Variants in TPMT observed in about 807,000 individuals in gnomAD.
TPMT encodes S-adenosyl-L-methionine:thiopurine S-methyltransferase.
A neutral mutation model predicts 34.2 loss-of-function variants in TPMT; 18 were observed. The observed-to-expected ratio is 0.53, with a 90% CI of 0.36 to 0.78. TPMT has a LOEUF of 0.78. Among genes scored for constraint, TPMT ranks in the 30% least tolerant of loss-of-function variants. TPMT has a pLI of 0.00. For missense variants in TPMT, 265 were observed against 288.1 expected, an observed-to-expected ratio of 0.92 and a Z score of 0.58; for synonymous variants, 69 against 92.4, an observed-to-expected ratio of 0.75 and a Z score of 1.45.
Position 18,149,204 on chromosome 6 carries a change from A to G in TPMT, c.-44-33T>C. The G allele has an allele frequency of 1.3e-6, 2 of 1,576,586 alleles. No homozygotes were observed. The highest frequency in any genetic ancestry group is 1.7e-5 in the Admixed American group (1 of 59,942). ...GAAAATATTTGCAATGTTGTCATTTAAGGTCATTGGAATTCTATTGATGAA... is the reference window on the plus strand; with the variant it reads ...GAAAATATTTGCAATGTTGTCATTTGAGGTCATTGGAATTCTATTGATGAA... On this transcript the variant is annotated intron_variant, in intron 1 of 8. Transcript: ENST00000309983. This position sits in a 1 kb window ranked among gnomAD's most constrained non-coding sequence, Gnocchi z 5.0.
In TPMT at chr6:18,154,555, A is replaced by C. The variant is rs1484465885; in HGVS notation, c.-45+478T>G. Among the ~76,000 whole-genome samples the C allele has an allele frequency of 6.6e-6, 1 of 152,186 alleles. No individual in the cohort carries two copies. The highest frequency in any genetic ancestry group is 6.5e-5 in the Admixed American group (1 of 15,290). ...TATTTGGCAGTACTTATTTTTTCCC[A>C]AAAATCACTAATACACCAGGCTGGG... On this transcript the variant is annotated intron_variant, in intron 1 of 8. Transcript: ENST00000309983. This position sits in a 1 kb window ranked among gnomAD's most constrained non-coding sequence, Gnocchi z 4.2.
rs1784296424 is a variant in TPMT at position 18,148,836 on chromosome 6, C to A, written c.140+152G>T. The A allele has an allele frequency of 2.8e-6, 3 of 1,059,788 alleles. No homozygotes were observed. In the South Asian group the frequency reaches 4.2e-5, roughly 15 times the overall value. 65.6% of individuals were successfully genotyped at this position (1,059,788 alleles called of 1,614,324 possible). On this transcript the variant is annotated intron_variant, in intron 2 of 8. Transcript: ENST00000309983. This position sits in a 1 kb window ranked among gnomAD's most constrained non-coding sequence, Gnocchi z 4.1. The stretch of plus-strand genomic sequence containing the variant: ...ACTCTGCCAATTAAACTACATCATG[C>A]CACAGATGCACTGTGACTCGGGAGA...
intron 1 of TPMT, among the ~76,000 whole-genome samples, chr6:18,152,102 C>A (rs1784364748): frequency 6.6e-6 from 1 of 152,150 alleles, no homozygotes; most frequent in Non-Finnish European, 1.5e-5. Flanking sequence ...TCTGAACCAG[C>A]ATTTCAAGCA....
rs1783929315 is a variant in TPMT at position 18,130,928 on chromosome 6, C to T, written c.626-148G>A. On this transcript the variant is annotated intron_variant, in intron 8 of 8. Transcript: ENST00000309983. The surrounding 1 kb of genome is among the most constrained non-coding windows in gnomAD (Gnocchi z 4.2). The stretch of plus-strand genomic sequence containing the variant: ...CCGAGGCAGGTGGATCACTTGAGGT[C>T]AGGAGTTCATGACCAGCCTGGCCAA... The T allele has an allele frequency of 9.6e-6, 6 of 622,248 alleles. No individual in the cohort carries two copies. The highest frequency in any genetic ancestry group is 1.8e-5 in the Non-Finnish European group (6 of 337,620). 38.5% of individuals were successfully genotyped at this position (622,248 alleles called of 1,614,324 possible). A position where few individuals can be genotyped will look rare whatever the true frequency, so the allele number is the denominator to read the frequency against.
rs977305863 is a variant in TPMT, at chr6:18,148,915, T to C, written c.140+73A>G. 6.3e-7 allele frequency: 1 copy of C among 1,595,896 alleles called. No individual in the cohort carries two copies. The highest frequency in any genetic ancestry group is 8.6e-7 in the Non-Finnish European group (1 of 1,165,802). ...TCCTAAAAGTTAGTCAAATAATGTG[T>C]ACTTTTATTATTTCTATCTCAAAGT... On this transcript the variant is annotated intron_variant, in intron 2 of 8. Transcript: ENST00000309983. This position sits in a 1 kb window ranked among gnomAD's most constrained non-coding sequence, Gnocchi z 4.1.
rs760482196 is a variant in TPMT at position 18,139,999 on chromosome 6, T to A, written c.367-282A>T. 1.1e-4 allele frequency among the ~76,000 whole-genome samples: 17 copies of A among 152,164 alleles called. No homozygotes were observed. Among genetic ancestry groups the A allele is most frequent in the Non-Finnish European group, 2.2e-4 (15 of 68,018 alleles). Reference sequence around the variant, plus strand: ...AGAGCTTGCTATAAAATTCTAACAATGTTTCCTCGAGCAGAGTGATATTTT... The same window carrying A: ...AGAGCTTGCTATAAAATTCTAACAAAGTTTCCTCGAGCAGAGTGATATTTT... On this transcript the variant is annotated intron_variant, in intron 4 of 8. Transcript: ENST00000309983. The surrounding 1 kb of genome is among the most constrained non-coding windows in gnomAD (Gnocchi z 4.2).
In TPMT at chr6:18,146,420, G is replaced by A. The variant is rs370811049; in HGVS notation, c.233+1403C>T. Among the ~76,000 whole-genome samples, 28 of 151,996 alleles carry A rather than the reference G, an allele frequency of 1.8e-4. No homozygotes were observed. The highest frequency in any genetic ancestry group is 5.1e-4 in the African/African-American group (21 of 41,390). ...TCACCATGTTGGCCAGGCTGGTCTC[G>A]AACTCCTGACCTCAAGTGATCCGCT... is the stretch of plus-strand genomic sequence containing the variant. On this transcript the variant is annotated intron_variant, in intron 3 of 8. Transcript: ENST00000309983. The surrounding 1 kb of genome is among the most constrained non-coding windows in gnomAD (Gnocchi z 6.2).
chr6:18,133,080 G>A (rs1283796368), intron 7 of TPMT, among the ~76,000 whole-genome samples: 1 of 152,156 alleles, frequency 6.6e-6, no homozygotes, highest in Admixed American at 6.5e-5. Context: ...GCCACAGAGT[G>A]AGACTGTGTC....
Position 18,149,142 on chromosome 6 carries a change from C to G in TPMT, c.-15G>C. On this transcript the variant is annotated 5_prime_UTR_variant, in exon 2 of 9. Transcript: ENST00000309983. The surrounding 1 kb of genome is among the most constrained non-coding windows in gnomAD (Gnocchi z 5.0). ...GTACCATCCATAGTTTCAGAGACAC[C>G]TTTGTCTCACAAGCATATGTCTTCC... is the stretch of plus-strand genomic sequence containing the variant. 6.2e-7 allele frequency: 1 copy of G among 1,613,938 alleles called. No individual in the cohort carries two copies. Among genetic ancestry groups the G allele is most frequent in the Non-Finnish European group, 8.5e-7 (1 of 1,180,004 alleles).
Position 18,138,262 on chromosome 6 carries a change from TTG to T in TPMT, c.494+699_494+700del, listed in dbSNP as rs1483053605. ...AACCACATGAAATATTTTGATTTTT[TTG>T]TTTTTTTTTTTTTTTAAATATTTTA... is the stretch of plus-strand genomic sequence containing the variant. On this transcript the variant is annotated intron_variant, in intron 6 of 8. Transcript: ENST00000309983. The surrounding 1 kb of genome is among the most constrained non-coding windows in gnomAD (Gnocchi z 4.1). 4.1e-3 allele frequency among the ~76,000 whole-genome samples: 322 copies of T among 78,852 alleles called. 1 individual carries two copies. The highest frequency in any genetic ancestry group is 0.015 in the African/African-American group (288 of 18,836). The allele number at this position is 78,852 out of a possible 152,430, so 51.7% of individuals were successfully genotyped here.
rs1178597961 is a variant in TPMT at position 18,148,694 on chromosome 6, G to A, written c.140+294C>T. On this transcript the variant is annotated intron_variant, in intron 2 of 8. Transcript: ENST00000309983. The surrounding 1 kb of genome is among the most constrained non-coding windows in gnomAD (Gnocchi z 4.1). Reference sequence around the variant, plus strand: ...AACATTGCTTGAGCACCTGTTGTAGGTATAAATATTCAGGGCCAATACATA... The same window carrying A: ...AACATTGCTTGAGCACCTGTTGTAGATATAAATATTCAGGGCCAATACATA... 6.6e-6 allele frequency among the ~76,000 whole-genome samples: 1 copy of A among 152,144 alleles called. No individual in the cohort carries two copies. Among genetic ancestry groups the A allele is most frequent in the Non-Finnish European group, 1.5e-5 (1 of 68,036 alleles).
Position 18,147,823 on chromosome 6 carries a change from C to T in TPMT, c.233G>A (p.Trp78Ter), listed in dbSNP as rs1393608525. 6.2e-7 allele frequency: 1 copy of T among 1,613,184 alleles called. No individual in the cohort carries two copies. Among genetic ancestry groups the T allele is most frequent in the Non-Finnish European group, 8.5e-7 (1 of 1,179,440 alleles). Residue 78 changes from tryptophan to a stop codon, truncating the protein, a stop_gained and splice_region_variant, in exon 3 of 9, where the codon TGG becomes TAG. Coordinates refer to ENST00000309983, the MANE Select transcript of TPMT (RefSeq NM_000367.5). LOFTEE classifies it high-confidence loss of function. ...PLCGKAVEMKWFADRGHSVVG... is the reference protein window; with the variant it reads ...PLCGKAVEMK ...TCTGTTAATGTTTATCTGCTCATAC[C>T]ATTTCATCTCAACCGCTTTTCCGCA...
Position 18,130,604 on chromosome 6 carries a change from C to T in TPMT, c.*64G>A. The T allele has an allele frequency of 9.2e-7, 1 of 1,091,044 alleles. No homozygotes were observed. The highest frequency in any genetic ancestry group is 1.4e-6 in the Non-Finnish European group (1 of 711,202). 67.6% of individuals were successfully genotyped at this position (1,091,044 alleles called of 1,614,324 possible). On this transcript the variant is annotated 3_prime_UTR_variant, in exon 9 of 9. Coordinates refer to ENST00000309983, the MANE Select transcript of TPMT (RefSeq NM_000367.5). This position sits in a 1 kb window ranked among gnomAD's most constrained non-coding sequence, Gnocchi z 4.2. Reference sequence around the variant, plus strand: ...AAAATTCATCCATTACATTTTCAGGCTTTAGCATAATTTTCAATTCCTCAA... The same window carrying T: ...AAAATTCATCCATTACATTTTCAGGTTTTAGCATAATTTTCAATTCCTCAA...
chr6:18,129,451 G>GT lies in TPMT; in HGVS notation c.*1216dup, dbSNP rs1561884901. On this transcript the variant is annotated 3_prime_UTR_variant, in exon 9 of 9. Transcript: ENST00000309983. ...TAAGCCAGCACATGTGCGTGCATGC[G>GT]TGCACACACACACGTAACTCGTTTT... The GT allele has an allele frequency of 6.6e-6, 1 of 152,134 alleles. No individual in the cohort carries two copies. The highest frequency in any genetic ancestry group is 1.9e-4 in the East Asian group (1 of 5,190). The allele number at this position is 152,134 out of a possible 1,614,324, so 9.4% of individuals were successfully genotyped here. A position where few individuals can be genotyped will look rare whatever the true frequency, so the allele number is the denominator to read the frequency against.
chr6:18,141,906 A>C (rs1784149212), intron 4 of TPMT, among the ~76,000 whole-genome samples: 1 of 152,194 alleles, frequency 6.6e-6, no homozygotes, highest in South Asian at 2.1e-4. Flanking sequence ...TCATGTTCAA[A>C]ATGGTGGCTC....
chr6:18,128,418 A>G lies in TPMT; in HGVS notation c.*2250T>C, dbSNP rs1216772492. 1.3e-5 allele frequency: 2 copies of G among 152,234 alleles called. No individual in the cohort carries two copies. Among genetic ancestry groups the G allele is most frequent in the African/African-American group, 4.8e-5 (2 of 41,464 alleles). The allele number at this position is 152,234 out of a possible 1,614,324, so 9.4% of individuals were successfully genotyped here. A position where few individuals can be genotyped will look rare whatever the true frequency, so the allele number is the denominator to read the frequency against. ...TCAGTATTCCCCAGTGAAGACACAT[A>G]TTACATAAATGATCAACTACCTAAG... On this transcript the variant is annotated 3_prime_UTR_variant, in exon 9 of 9. Coordinates refer to ENST00000309983, the MANE Select transcript of TPMT (RefSeq NM_000367.5). This position sits in a 1 kb window ranked among gnomAD's most constrained non-coding sequence, Gnocchi z 4.6.
At chr6:18,152,671 CT>C (rs1410273031) in intron 1 of TPMT, among the ~76,000 whole-genome samples, 5 of 151,624 alleles carry the variant, frequency 3.3e-5, no homozygotes, top group Admixed American at 6.6e-5. Flanking sequence ...TCACTACACA[CT>C]TTCTTGGCTA....
At position 18,143,865 on chromosome 6, in the gene TPMT, G is replaced by A. The variant is rs1159361029; in HGVS notation, c.234-137C>T. 5.3e-6 allele frequency: 6 copies of A among 1,133,658 alleles called. No homozygotes were observed. The highest frequency in any genetic ancestry group is 6.3e-6 in the Non-Finnish European group (5 of 795,080). 70.2% of individuals were successfully genotyped at this position (1,133,658 alleles called of 1,614,324 possible). A position where few individuals can be genotyped will look rare whatever the true frequency, so the allele number is the denominator to read the frequency against. ...AGGTTCATAGGGTTTCAAAGAACATGCAGGAAAGCAGATCTATATTATTTT... is the reference window on the plus strand; with the variant it reads ...AGGTTCATAGGGTTTCAAAGAACATACAGGAAAGCAGATCTATATTATTTT... On this transcript the variant is annotated intron_variant, in intron 3 of 8. Coordinates refer to ENST00000309983, the MANE Select transcript of TPMT (RefSeq NM_000367.5). This position sits in a 1 kb window ranked among gnomAD's most constrained non-coding sequence, Gnocchi z 6.1.
chr6:18,134,017 T>A (rs1783996237), intron 6 of TPMT, 128 bp from the exon 7 acceptor site: 2 of 723,946 alleles, frequency 2.8e-6, no homozygotes, highest in Non-Finnish European at 4.8e-6. Context: ...CTCCTAATAA[T>A]CACAAGAGGT....
Sources: allele counts gnomAD v4.1 joint callset (sites outside exome capture counted in the v4.1 genomes callset), GRCh38; gene constraint gnomAD v4.1.1; non-coding constraint Gnocchi (gnomAD v3.1); transcripts MANE v1.5; gene names NCBI Gene and HGNC (gene_info 2026-07-23, HGNC 2026-07-21).